The following ATP1B3 variants were observed in gnomAD, a reference collection of about 807,000 sequenced individuals.
The protein encoded by ATP1B3 is ATPase Na+/K+ transporting subunit beta 3.
A neutral mutation model predicts 30.2 loss-of-function variants in ATP1B3; 10 were observed. The ratio of observed to expected loss-of-function variants is 0.33; its 90% CI spans 0.20 to 0.56. The LOEUF is 0.56. Among genes scored for constraint, ATP1B3 ranks in the 20% least tolerant of loss-of-function variants. ATP1B3 has a pLI of 0.90. For missense variants in ATP1B3, 238 were observed against 336.7 expected, an observed-to-expected ratio of 0.71 and a Z score of 2.29; for synonymous variants, 113 against 117.0, an observed-to-expected ratio of 0.97 and a Z score of 0.22.
Position 141,913,863 on chromosome 3 carries a change from T to A in ATP1B3, c.531+27T>A. On this transcript the variant is annotated intron_variant, in intron 4 of 6. Transcript: ENST00000286371. ...TACGTACATATTTTACCTCTGCTGC[T>A]GCTTTTTTCTAATATTCTCTTTTAA... 3 of 1,561,840 alleles carry A rather than the reference T, an allele frequency of 1.9e-6. 1 individual carries two copies. The highest frequency in any genetic ancestry group is 2.5e-5 in the South Asian group (2 of 81,630).
intron 1 of ATP1B3, among the ~76,000 whole-genome samples, chr3:141,894,778 C>T (rs1934028745): frequency 6.6e-6 from 1 of 152,162 alleles, no homozygotes; most frequent in African/African-American, 2.4e-5. Context: ...TTGCCTGAGG[C>T]TTTTTACAGT....
chr3:141,907,035 A>G, intron 2 of ATP1B3, 132 bp from the exon 3 acceptor site: 1 of 522,860 alleles, frequency 1.9e-6, no homozygotes, highest in Admixed American at 4.0e-5. Flanking sequence ...TAGAATTGGG[A>G]AGTTCTTGAT....
At chr3:141,901,553 G>GTTTC (rs1934163529) in intron 1 of ATP1B3, among the ~76,000 whole-genome samples, 1 of 152,104 alleles carries the variant, frequency 6.6e-6, no homozygotes, top group African/African-American at 2.4e-5. Context: ...ATGGCCACTA[G>GTTTC]TATATGGCAT....
chr3:141,923,398 G>T (rs1286439777), intron 6 of ATP1B3, among the ~76,000 whole-genome samples: 1 of 152,302 alleles, frequency 6.6e-6, no homozygotes, highest in African/African-American at 2.4e-5. Flanking sequence ...CCCTGGCCAC[G>T]TGATGCCTTG....
In ATP1B3 at chr3:141,925,542, A is replaced by G. The variant is rs1934643114; in HGVS notation, c.681A>G (p.Leu227=). 3 of 1,605,824 alleles carry G rather than the reference A, an allele frequency of 1.9e-6. No individual in the cohort carries two copies. Among genetic ancestry groups the G allele is most frequent in the African/African-American group, 1.3e-5 (1 of 74,620 alleles). The change falls in exon 7 of 7, where the codon CTA becomes CTG. Residue 227 remains leucine (L), a synonymous_variant. Coordinates refer to ENST00000286371, the MANE Select transcript of ATP1B3 (RefSeq NM_001679.4). ...CCTTTTATTGCCAGGTTGGGTATCT[A>G]CAGCCATTGGTTGCTGTTCAGGTCA... ...YYGKKLHVGY[L]QPLVAVQVSF... is the part of the protein sequence containing the mutation.
At chr3:141,889,830 CATAT>C (rs71153925) in intron 1 of ATP1B3, among the ~76,000 whole-genome samples, 1 of 137,484 alleles carries the variant, frequency 7.3e-6, no homozygotes, top group South Asian at 2.4e-4. Flanking sequence ...TATACATATA[CATAT>C]ATATATATAT....
intron 1 of ATP1B3, among the ~76,000 whole-genome samples, chr3:141,901,381 G>GT (rs1437299034): frequency 1.3e-5 from 2 of 152,194 alleles, no homozygotes; most frequent in East Asian, 1.9e-4. Flanking sequence ...ATTTTCTGTT[G>GT]TTTTTTCTTT....
rs1358249445 is a variant in ATP1B3 at position 141,903,863 on chromosome 3, C to T, written c.238+115C>T. On this transcript the variant is annotated intron_variant, in intron 2 of 6. Transcript: ENST00000286371. Reference sequence around the variant, plus strand: ...GTGGCATGATCTTGGGTCACTGCAACCTCTGCCTCCCAGGTTCAAGCGATT... The same window carrying T: ...GTGGCATGATCTTGGGTCACTGCAATCTCTGCCTCCCAGGTTCAAGCGATT... 4 of 1,222,664 alleles carry T rather than the reference C, an allele frequency of 3.3e-6. No homozygotes were observed. The African/African-American group carries it at 4.6e-5, about 14-fold the overall frequency. 75.7% of individuals were successfully genotyped at this position (1,222,664 alleles called of 1,614,324 possible).
intron 1 of ATP1B3, among the ~76,000 whole-genome samples, chr3:141,897,393 G>A (rs1477889513): frequency 6.6e-6 from 1 of 152,074 alleles, no homozygotes; most frequent in African/African-American, 2.4e-5. Context: ...TAGAGAAGCA[G>A]CAGATATTAT....
chr3:141,879,790 C>G (rs1237300437), intron 1 of ATP1B3, among the ~76,000 whole-genome samples: 1 of 75,476 alleles, frequency 1.3e-5, no homozygotes, highest in Non-Finnish European at 3.0e-5. Flanking sequence ...AAAAAAAAAA[C>G]CTTACAGTTT....
intron 3 of ATP1B3, among the ~76,000 whole-genome samples, chr3:141,913,432 A>G (rs995940504): frequency 1.3e-5 from 2 of 152,174 alleles, no homozygotes; most frequent in South Asian, 2.1e-4. Flanking sequence ...AGATGGATCT[A>G]TAATCCAGTT....
At chr3:141,891,598 C>T (rs1025997880) in intron 1 of ATP1B3, among the ~76,000 whole-genome samples, 3 of 152,064 alleles carry the variant, frequency 2.0e-5, no homozygotes, top group African/African-American at 7.2e-5. Flanking sequence ...TGTGGTTTTT[C>T]ATTACATTTT....
chr3:141,920,046 C>G (rs1934539190), intron 5 of ATP1B3, among the ~76,000 whole-genome samples: 1 of 152,134 alleles, frequency 6.6e-6, no homozygotes, highest in South Asian at 2.1e-4. Context: ...TTTACAATTT[C>G]TAAATGTTTA....
At chr3:141,914,122 C>T (rs1934414408) in intron 4 of ATP1B3, among the ~76,000 whole-genome samples, 1 of 152,168 alleles carries the variant, frequency 6.6e-6, no homozygotes, top group Non-Finnish European at 1.5e-5. Context: ...CACATTAATG[C>T]TCCAAGGGGC....
chr3:141,922,114 G>T (rs1934573882), intron 6 of ATP1B3, 51 bp downstream of exon 6: 2 of 1,174,592 alleles, frequency 1.7e-6, no homozygotes, highest in Non-Finnish European at 1.2e-6. Flanking sequence ...GGAAGCTGGA[G>T]CATGTGTTGA....
At chr3:141,907,075 C>T in intron 2 of ATP1B3, 92 bp from the exon 3 acceptor site, 3 of 860,068 alleles carry the variant, frequency 3.5e-6, no homozygotes, top group Non-Finnish European at 5.2e-6. Context: ...CACAATTTTC[C>T]ATGTAATTTG....
intron 3 of ATP1B3, among the ~76,000 whole-genome samples, chr3:141,911,335 TC>T (rs1934356288): frequency 6.6e-6 from 1 of 152,172 alleles, no homozygotes; most frequent in Admixed American, 6.5e-5. Context: ...CCTTATGCCC[TC>T]CTTTTTCATG....
intron 1 of ATP1B3, among the ~76,000 whole-genome samples, chr3:141,879,151 CA>C (rs1933666066): frequency 1.3e-5 from 2 of 152,072 alleles, no homozygotes; most frequent in South Asian, 4.1e-4. Context: ...TTGTGTATAA[CA>C]TTTTTTTTAA....
At chr3:141,916,099 T>C in intron 5 of ATP1B3, 79 bp downstream of exon 5, 1 of 1,291,068 alleles carries the variant, frequency 7.7e-7, no homozygotes, top group Non-Finnish European at 1.1e-6. Context: ...TTTAGTCATC[T>C]TTTTTTTCTT....
Sources: allele counts gnomAD v4.1 joint callset (sites outside exome capture counted in the v4.1 genomes callset), GRCh38; gene constraint gnomAD v4.1.1; transcripts MANE v1.5; gene names NCBI Gene and HGNC (gene_info 2026-07-23, HGNC 2026-07-21).